WDR70: variants seen among roughly 807,000 people sequenced by gnomAD.
WDR70 encodes WD repeat-containing protein 70.
WDR70 carries 53 observed loss-of-function variants against 88.6 expected under a neutral mutation model. The ratio of observed to expected loss-of-function variants is 0.60; its 90% confidence interval spans 0.48 to 0.75. The LOEUF is 0.75. Among genes scored for constraint, WDR70 ranks in the 30% least tolerant of loss-of-function variants. WDR70 has a pLI of 0.00. For synonymous variants in WDR70, 280 were observed against 270.0 expected (o/e 1.04, Z -0.36); for missense variants, 610 against 823.2 (o/e 0.74, Z 3.17).
At chr5:37,634,298 CAA>C (rs34755579) in intron 10 of WDR70, among the ~76,000 whole-genome samples, 8 of 106,064 alleles carry the variant, frequency 7.5e-5, no homozygotes, top group Admixed American at 9.7e-5. Flanking sequence ...GACCCTGTCT[CAA>C]AAAAAAAAAA....
At chr5:37,538,118 G>C (rs540106081) in intron 9 of WDR70, among the ~76,000 whole-genome samples, 1 of 152,218 alleles carries the variant, frequency 6.6e-6, no homozygotes, top group South Asian at 2.1e-4. Context: ...CACTCCCTTG[G>C]AAGACTTTAT....
intron 8 of WDR70, among the ~76,000 whole-genome samples, chr5:37,515,262 T>G (rs1740851781): frequency 6.6e-6 from 1 of 152,182 alleles, no homozygotes; most frequent in South Asian, 2.1e-4. Flanking sequence ...TATGGGAATA[T>G]TTAAGAACAA....
intron 5 of WDR70, among the ~76,000 whole-genome samples, chr5:37,408,465 C>T (rs1749424056): frequency 6.6e-6 from 1 of 151,990 alleles, no homozygotes; most frequent in Non-Finnish European, 1.5e-5. Context: ...CAGAGCGAGA[C>T]ACTTGGCTCA....
At chr5:37,551,612 T>C (rs1026607237) in intron 9 of WDR70, among the ~76,000 whole-genome samples, 1 of 149,952 alleles carries the variant, frequency 6.7e-6, no homozygotes, top group African/African-American at 2.4e-5. Flanking sequence ...GCCTTAGTCC[T>C]AGCTACTTGG....
intron 8 of WDR70, among the ~76,000 whole-genome samples, chr5:37,494,461 G>C (rs148560830): frequency 1.7e-3 from 259 of 152,278 alleles, no homozygotes; most frequent in African/African-American, 5.7e-3. Flanking sequence ...GACTGTGGGG[G>C]AGAACGGGGG....
At chr5:37,471,043 A>C (rs924709387) in intron 7 of WDR70, among the ~76,000 whole-genome samples, 6 of 151,994 alleles carry the variant, frequency 3.9e-5, no homozygotes, top group Non-Finnish European at 1.5e-5. Flanking sequence ...GCCACCACGC[A>C]TGGCTAATTT....
chr5:37,624,462 C>T (rs146183931), intron 10 of WDR70, among the ~76,000 whole-genome samples: 1,769 of 152,186 alleles, frequency 0.012, 23 homozygotes, highest in Non-Finnish European at 0.017. Flanking sequence ...TAGGTTGATT[C>T]CATATTTTGG....
At chr5:37,416,516 A>T (rs1342999999) in intron 5 of WDR70, among the ~76,000 whole-genome samples, 1 of 148,336 alleles carries the variant, frequency 6.7e-6, no homozygotes, top group African/African-American at 2.6e-5. Context: ...AGGGAGAGGG[A>T]GATCGTGGGG....
chr5:37,517,063 A>G (rs995090683), intron 9 of WDR70, among the ~76,000 whole-genome samples: 1 of 152,160 alleles, frequency 6.6e-6, no homozygotes, highest in African/African-American at 2.4e-5. Context: ...CTGATAGTGT[A>G]GTATTTGATT....
chr5:37,508,031 T>TCAGG (rs1413920994), intron 8 of WDR70, among the ~76,000 whole-genome samples: 7 of 151,840 alleles, frequency 4.6e-5, no homozygotes, highest in Admixed American at 2.6e-4. Context: ...TGTGGTGGGG[T>TCAGG]CAGGTATCTT....
At chr5:37,692,215 G>A (rs1003345025) in intron 10 of WDR70, among the ~76,000 whole-genome samples, 12 of 152,044 alleles carry the variant, frequency 7.9e-5, no homozygotes, top group Non-Finnish European at 1.2e-4. Flanking sequence ...TGAAATTGAG[G>A]CAATAATTAA....
chr5:37,635,500 T>C (rs1385857254), intron 10 of WDR70, among the ~76,000 whole-genome samples: 1 of 152,150 alleles, frequency 6.6e-6, no homozygotes, highest in Non-Finnish European at 1.5e-5. Context: ...ACATCTGCAG[T>C]ATTTGACTCT....
intron 5 of WDR70, among the ~76,000 whole-genome samples, chr5:37,421,780 A>T (rs1400181803): frequency 2.0e-5 from 3 of 152,010 alleles, no homozygotes; most frequent in African/African-American, 7.3e-5. Context: ...ATTTGTGTGC[A>T]TGAGAATGGG....
At chr5:37,538,780 T>C (rs1306976909) in intron 9 of WDR70, among the ~76,000 whole-genome samples, 1 of 152,208 alleles carries the variant, frequency 6.6e-6, no homozygotes, top group Admixed American at 6.5e-5. Flanking sequence ...GAAGTATTAA[T>C]AGAACTTACT....
chr5:37,660,693 T>A (rs946426403), intron 10 of WDR70, among the ~76,000 whole-genome samples: 1 of 152,160 alleles, frequency 6.6e-6, no homozygotes, highest in African/African-American at 2.4e-5. Flanking sequence ...CAGTAAGTTT[T>A]TTATAGATGT....
At chr5:37,634,835 GA>G (rs1288475608) in intron 10 of WDR70, among the ~76,000 whole-genome samples, 1 of 152,206 alleles carries the variant, frequency 6.6e-6, no homozygotes, top group Non-Finnish European at 1.5e-5. Flanking sequence ...TTTGCCCATG[GA>G]AGTCGGGGGA....
intron 8 of WDR70, among the ~76,000 whole-genome samples, chr5:37,500,666 C>T (rs1208027430): frequency 1.3e-5 from 2 of 150,120 alleles, no homozygotes; most frequent in Non-Finnish European, 3.0e-5. Context: ...TTTTAATGTG[C>T]ATTCCCCCAG....
chr5:37,463,609 C>G (rs146515236), intron 7 of WDR70, among the ~76,000 whole-genome samples: 220 of 152,356 alleles, frequency 1.4e-3, no homozygotes, highest in Admixed American at 2.9e-3. Context: ...TGTCACTAAG[C>G]CTTCCTCTGG....
chr5:37,708,965 A>T (rs1337426476), intron 13 of WDR70, among the ~76,000 whole-genome samples: 2 of 152,186 alleles, frequency 1.3e-5, no homozygotes, highest in African/African-American at 2.4e-5. Context: ...TGTTTTACTG[A>T]TATAAAGTCC....
Sources: allele counts gnomAD v4.1 joint callset (sites outside exome capture counted in the v4.1 genomes callset), GRCh38; gene constraint gnomAD v4.1.1; transcripts MANE v1.5; gene names NCBI Gene and HGNC (gene_info 2026-07-23, HGNC 2026-07-21).